CACNA1C: variants seen among roughly 807,000 people sequenced by gnomAD.
CACNA1C encodes voltage-dependent L-type calcium channel subunit alpha-1C.
In CACNA1C, 30 loss-of-function variants were observed where a neutral mutation model predicts 229.0. The observed-to-expected ratio is 0.13, with a 90% CI of 0.10 to 0.18. CACNA1C has a LOEUF of 0.18. Among genes scored for constraint, CACNA1C ranks in the 10% least tolerant of loss-of-function variants. The pLI, the probability that CACNA1C is intolerant of heterozygous loss-of-function variation, is 1.00. For synonymous variants in CACNA1C, 1,114 were observed against 1,132.5 expected (o/e 0.98, Z 0.33); for missense variants, 1,658 against 2,845.0 (o/e 0.58, Z 9.49).
chr12:2,595,893 C>T lies in CACNA1C; in HGVS notation c.2683C>T (p.Arg895Cys), dbSNP rs1227338785. Residue 895 changes from arginine (R) to cysteine (C), a missense_variant, in exon 20 of 47, where the codon CGC (arginine) becomes TGC (cysteine). Physicochemically the swap from Arg to Cys is radical, Grantham distance 180. Transcript: ENST00000399655. The surrounding 1 kb of genome is among the most constrained non-coding windows in gnomAD (Gnocchi z 4.1). ...GTACAGGTTTCGCCTCCAGTGCCAC[C>T]GCATTGTCAATGACACGATCTTCAC... ...SNNRFRLQCH[R>C]IVNDTIFTNL... 4.3e-6 allele frequency: 7 copies of T among 1,613,480 alleles called. No individual in the cohort carries two copies. Among genetic ancestry groups the T allele is most frequent in the African/African-American group, 1.3e-5 (1 of 74,996 alleles).
In CACNA1C at chr12:2,354,345, C is replaced by G. The variant is rs1205996345; in HGVS notation, c.478-94631C>G. ...ACAGCTTGTGTTTCCTCTGGCGCCT[C>G]TAGGTCGCTCTGCAGCCACCTGCTT... is the stretch of plus-strand genomic sequence containing the variant. On this transcript the variant is annotated intron_variant, in intron 3 of 46. Coordinates refer to ENST00000399655, the MANE Select transcript of CACNA1C (RefSeq NM_000719.7). The surrounding 1 kb of genome is among the most constrained non-coding windows in gnomAD (Gnocchi z 4.6). Among the ~76,000 whole-genome samples, 1 of 152,166 alleles carries G rather than the reference C, an allele frequency of 6.6e-6. No homozygotes were observed. Among genetic ancestry groups the G allele is most frequent in the African/African-American group, 2.4e-5 (1 of 41,444 alleles).
At chr12:2,219,257 A>C (rs2060808682) in intron 3 of CACNA1C, among the ~76,000 whole-genome samples, 1 of 152,178 alleles carries the variant, frequency 6.6e-6, no homozygotes, top group African/African-American at 2.4e-5. Context: ...TCACAGACCT[A>C]CTTTACTTTT....
chr12:2,045,962 C>A (rs2050971385), intron 1 of CACNA1C, among the ~76,000 whole-genome samples: 1 of 151,552 alleles, frequency 6.6e-6, no homozygotes, highest in Non-Finnish European at 1.5e-5. Context: ...GATCTGACTG[C>A]CAGAAGATGA....
chr12:2,393,286 C>G (rs1461266441), intron 3 of CACNA1C, among the ~76,000 whole-genome samples: 5 of 152,152 alleles, frequency 3.3e-5, no homozygotes, highest in Non-Finnish European at 4.4e-5. Context: ...GATCACCAGC[C>G]AAGCAGAGAA....
intron 1 of CACNA1C, among the ~76,000 whole-genome samples, chr12:2,105,559 C>CG (rs1314560603): frequency 2.6e-5 from 4 of 150,994 alleles, no homozygotes; most frequent in Admixed American, 6.6e-5. Flanking sequence ...GCGGGCGCAT[C>CG]GGGAAACCAC....
At chr12:2,078,470 T>C (rs1344340161) in intron 1 of CACNA1C, among the ~76,000 whole-genome samples, 55 of 152,152 alleles carry the variant, frequency 3.6e-4, no homozygotes, top group Admixed American at 3.5e-3. Context: ...CTAAGTGAAA[T>C]AAGCTGGTCA....
intron 3 of CACNA1C, among the ~76,000 whole-genome samples, chr12:2,241,114 C>T (rs1185193115): frequency 6.6e-6 from 1 of 152,076 alleles, no homozygotes; most frequent in African/African-American, 2.4e-5. Context: ...CCTTGCGAGG[C>T]TCCTGGCAGC....
At chr12:2,580,256 G>T (rs1023132158) in intron 13 of CACNA1C, among the ~76,000 whole-genome samples, 1 of 152,240 alleles carries the variant, frequency 6.6e-6, no homozygotes, top group Non-Finnish European at 1.5e-5. Context: ...AGCTGGATTT[G>T]TGGAGGCCAA....
At chr12:2,525,797 G>T (rs570710381) in intron 9 of CACNA1C, among the ~76,000 whole-genome samples, 1 of 152,312 alleles carries the variant, frequency 6.6e-6, no homozygotes, top group East Asian at 1.9e-4. Flanking sequence ...TTCCAGAAGA[G>T]ATTTCTACCC....
In CACNA1C at chr12:2,679,646, C is replaced by CCAACAT. The variant is rs773947780; in HGVS notation, c.5300_5305dup (p.Ile1767_Asn1768dup). The stretch of plus-strand genomic sequence containing the variant: ...AGCTACTCGTCCACCGGCTCCAACG[C>CCAACAT]CAACATCAACAACGCCAACAACACC... On this transcript the variant is annotated inframe_insertion, in exon 42 of 47. Transcript: ENST00000399655. This position sits in a 1 kb window ranked among gnomAD's most constrained non-coding sequence, Gnocchi z 5.5. 1.2e-6 allele frequency: 2 copies of CCAACAT among 1,613,860 alleles called. No homozygotes were observed. Among genetic ancestry groups the CCAACAT allele is most frequent in the East Asian group, 4.5e-5 (2 of 44,872 alleles).
At chr12:2,379,121 G>A (rs528306747) in intron 3 of CACNA1C, among the ~76,000 whole-genome samples, 1 of 152,188 alleles carries the variant, frequency 6.6e-6, no homozygotes, top group Non-Finnish European at 1.5e-5. Flanking sequence ...CTAAATCAAG[G>A]GCCTCTCTTG....
intron 3 of CACNA1C, among the ~76,000 whole-genome samples, chr12:2,147,656 A>C (rs2094844885): frequency 1.3e-5 from 2 of 151,312 alleles, no homozygotes; most frequent in African/African-American, 4.8e-5. Context: ...AGATGTGAAG[A>C]AGTATATATC....
chr12:2,410,929 G>A lies in CACNA1C; in HGVS notation c.478-38047G>A, dbSNP rs2098800494. The stretch of plus-strand genomic sequence containing the variant: ...CCTTCTCCTGGCTGCCTCCCATTGT[G>A]ACATGGATTTTTCTCTCATCTTTCT... On this transcript the variant is annotated intron_variant, in intron 3 of 46. Coordinates refer to ENST00000399655, the MANE Select transcript of CACNA1C (RefSeq NM_000719.7). This position sits in a 1 kb window ranked among gnomAD's most constrained non-coding sequence, Gnocchi z 5.3. Among the ~76,000 whole-genome samples, 1 of 151,974 alleles carries A rather than the reference G, an allele frequency of 6.6e-6. No individual in the cohort carries two copies. The highest frequency in any genetic ancestry group is 6.6e-5 in the Admixed American group (1 of 15,260).
rs117615271 is a variant in CACNA1C at position 2,681,641 on chromosome 12, C to T, written c.5445-909C>T. Among the ~76,000 whole-genome samples the T allele has an allele frequency of 5.6e-4, 86 of 152,330 alleles. 1 individual carries two copies. In the East Asian group the frequency reaches 0.016, roughly 29 times the overall value. ...CCACCTCCCTCCCCTCCCAGTCCTCCTGGAGCTCCCACCTCTCATCTTTCC... is the reference window on the plus strand; with the variant it reads ...CCACCTCCCTCCCCTCCCAGTCCTCTTGGAGCTCCCACCTCTCATCTTTCC... On this transcript the variant is annotated intron_variant, in intron 42 of 46. Coordinates refer to ENST00000399655, the MANE Select transcript of CACNA1C (RefSeq NM_000719.7).
At chr12:2,283,738 C>G (rs926377408) in intron 3 of CACNA1C, among the ~76,000 whole-genome samples, 1 of 152,184 alleles carries the variant, frequency 6.6e-6, no homozygotes, top group African/African-American at 2.4e-5. Flanking sequence ...TTGGAACAAG[C>G]TCCCAGAGGA....
chr12:2,128,130 A>T (rs145293696), intron 3 of CACNA1C, among the ~76,000 whole-genome samples: 44 of 152,252 alleles, frequency 2.9e-4, no homozygotes, highest in African/African-American at 8.2e-4. Context: ...TTTATTTCAG[A>T]TAAGAAAGTA....
chr12:2,658,141 CA>C (rs897857394), intron 34 of CACNA1C, among the ~76,000 whole-genome samples: 1 of 151,164 alleles, frequency 6.6e-6, no homozygotes, highest in Non-Finnish European at 1.5e-5. Context: ...AGTAAATGGC[CA>C]AAAAAAACAC....
intron 3 of CACNA1C, among the ~76,000 whole-genome samples, chr12:2,212,602 G>A (rs1230883036): frequency 1.3e-5 from 2 of 152,134 alleles, no homozygotes; most frequent in Non-Finnish European, 2.9e-5. Flanking sequence ...TTTTAGAAAG[G>A]TATGTATTTT....
At chr12:1,988,782 C>T (rs113663794) in intron 1 of CACNA1C, among the ~76,000 whole-genome samples, 4,167 of 152,242 alleles carry the variant, frequency 0.027, 95 homozygotes, top group Middle Eastern at 0.054. Flanking sequence ...CTGTAATTTT[C>T]CTTTTCATTC....
Sources: gnomAD v4.1 joint callset for allele counts (sites outside exome capture counted in the v4.1 genomes callset) on GRCh38, gnomAD v4.1.1 for gene constraint, Gnocchi (gnomAD v3.1) non-coding constraint, MANE v1.5 for transcripts, NCBI Gene and HGNC (gene_info 2026-07-23, HGNC 2026-07-21) for gene names.